The following PSME3 variants were observed in gnomAD, a reference collection of about 807,000 sequenced individuals.
PSME3 encodes the protein proteasome activator complex subunit 3.
In PSME3, 7 loss-of-function variants were observed where a neutral mutation model predicts 38.3. That is an observed-to-expected ratio of 0.18 (90% CI 0.10 to 0.34). The LOEUF (loss-of-function observed/expected upper bound fraction) is 0.34, where lower values mean the gene tolerates loss of function less well. PSME3 is among the 10% of genes least tolerant of loss of function. The pLI is 1.00. For synonymous variants in PSME3, 108 were observed against 105.7 expected (o/e 1.02, Z -0.13); for missense variants, 192 against 307.6 (o/e 0.62, Z 2.81).
In PSME3 at chr17:42,839,174, AG is replaced by A. The variant is rs771716130; in HGVS notation, c.597+12del. The stretch of plus-strand genomic sequence containing the variant: ...GCTAAATATCCCCATGTGGTAAGTA[AG>A]GGGTTTGTGGCCTGAGGGTGGAGGT... On this transcript the variant is annotated intron_variant, in intron 9 of 10. Coordinates refer to ENST00000590720, the MANE Select transcript of PSME3 (RefSeq NM_005789.4). 6.3e-7 allele frequency: 1 copy of A among 1,577,768 alleles called. No homozygotes were observed. Among genetic ancestry groups the A allele is most frequent in the South Asian group, 1.1e-5 (1 of 90,376 alleles).
In PSME3 at chr17:42,843,750, C is replaced by T. The variant is rs1387724114; in HGVS notation, c.*2172C>T. The T allele has an allele frequency of 6.6e-6, 1 of 152,358 alleles. No individual in the cohort carries two copies. Among genetic ancestry groups the T allele is most frequent in the African/African-American group, 2.4e-5 (1 of 41,446 alleles). 9.4% of individuals were successfully genotyped at this position (152,358 alleles called of 1,614,324 possible). ...CTCTGAAATAAAGTTTCCTCATCTT[C>T]CACCTTGCAAGTAGCCTTCTGGTTT... is the stretch of plus-strand genomic sequence containing the variant. On this transcript the variant is annotated 3_prime_UTR_variant, in exon 11 of 11. Transcript: ENST00000590720.
At chr17:42,839,723 G>T (rs866919714) in intron 10 of PSME3, among the ~76,000 whole-genome samples, 7 of 152,208 alleles carry the variant, frequency 4.6e-5, no homozygotes, top group Middle Eastern at 3.2e-3. Flanking sequence ...TGGGCTGGGC[G>T]CAGTGGCTAA....
intron 6 of PSME3, 155 bp from the exon 7 acceptor site, chr17:42,838,576 C>T: frequency 2.6e-6 from 2 of 777,884 alleles, no homozygotes; most frequent in Non-Finnish European, 4.2e-6. Context: ...CTTCGGGGTC[C>T]CAAATTGCTG....
chr17:42,838,128 A>G lies in PSME3; in HGVS notation c.328A>G (p.Lys110Glu). Residue 110 changes from lysine to glutamate, a missense_variant, in exon 6 of 11, where the codon AAA becomes GAA. Physicochemically the swap from Lys to Glu is moderately conservative, Grantham distance 56. Transcript: ENST00000590720. ...KVFVMPNGML[K>E]SNQQLVDIIE... ...GTTTGTGATGCCCAATGGGATGCTGAAAAGCAACCAGCAGCTGGTGGACAT... is the reference window on the plus strand; with the variant it reads ...GTTTGTGATGCCCAATGGGATGCTGGAAAGCAACCAGCAGCTGGTGGACAT... 1 of 1,614,176 alleles carries G rather than the reference A, an allele frequency of 6.2e-7. No homozygotes were observed. Among genetic ancestry groups the G allele is most frequent in the Non-Finnish European group, 8.5e-7 (1 of 1,180,026 alleles).
intron 10 of PSME3, among the ~76,000 whole-genome samples, chr17:42,840,039 G>T (rs2055512263): frequency 6.6e-6 from 1 of 150,398 alleles, no homozygotes; most frequent in African/African-American, 2.5e-5. Flanking sequence ...CACTTTGGGA[G>T]GCCAAGGTGG....
At position 42,838,934 on chromosome 17, in the gene PSME3, G is replaced by C; in HGVS notation, c.475-11G>C. 6.2e-7 allele frequency: 1 copy of C among 1,614,034 alleles called. No homozygotes were observed. Among genetic ancestry groups the C allele is most frequent in the Non-Finnish European group, 8.5e-7 (1 of 1,179,998 alleles). ...GTGGCTTTTGATGCACCTGTTGTTT[G>C]TTTGTTTTAGGAGGAAACAGTTGCA... On this transcript the variant is annotated splice_polypyrimidine_tract_variant and intron_variant, in intron 7 of 10. Transcript: ENST00000590720.
chr17:42,833,612 G>C lies in PSME3; in HGVS notation c.-20G>C, dbSNP rs11542142. 20 of 1,614,184 alleles carry C rather than the reference G, an allele frequency of 1.2e-5. No homozygotes were observed. The highest frequency in any genetic ancestry group is 5.0e-5 in the Admixed American group (3 of 60,032). On this transcript the variant is annotated 5_prime_UTR_variant, in exon 1 of 11. Coordinates refer to ENST00000590720, the MANE Select transcript of PSME3 (RefSeq NM_005789.4). ...CAGCGCCTCCGGTGTCCAGAGGATC[G>C]GACACGGCCCGGCCCGGCCATGGCC...
In PSME3 at chr17:42,838,958, C is replaced by G; in HGVS notation, c.488C>G (p.Ala163Gly). 4.3e-6 allele frequency: 7 copies of G among 1,614,080 alleles called. No individual in the cohort carries two copies. Among genetic ancestry groups the G allele is most frequent in the Non-Finnish European group, 5.1e-6 (6 of 1,180,010 alleles). Residue 163 changes from alanine to glycine, a missense_variant, in exon 8 of 11, where the codon GCA becomes GGA. Ala to Gly is a moderately conservative substitution (Grantham distance 60). Transcript: ENST00000590720. Reference sequence around the variant, plus strand: ...TGTTTGTTTTAGGAGGAAACAGTTGCAGAGCTAAGAACTGTTGAGAGTGAA... The same window carrying G: ...TGTTTGTTTTAGGAGGAAACAGTTGGAGAGCTAAGAACTGTTGAGAGTGAA... ...FGVSIQEETVAELRTVESEAA... is the reference protein window; with the variant it reads ...FGVSIQEETVGELRTVESEAA...
intron 10 of PSME3, 123 bp downstream of exon 10, chr17:42,839,503 A>C: frequency 1.4e-6 from 1 of 739,858 alleles, no homozygotes; most frequent in East Asian, 2.6e-5. Flanking sequence ...ACCAAATTCT[A>C]TTCATCACCT....
chr17:42,836,396 T>C (rs1054282075), intron 4 of PSME3, among the ~76,000 whole-genome samples: 11 of 152,258 alleles, frequency 7.2e-5, no homozygotes, highest in African/African-American at 2.7e-4. Context: ...AACTGAATAA[T>C]GTGTTCCTTT....
At chr17:42,839,420 C>T (rs1597955603) in intron 10 of PSME3, 40 bp downstream of exon 10, 1 of 1,492,834 alleles carries the variant, frequency 6.7e-7, no homozygotes, top group African/African-American at 1.4e-5. Flanking sequence ...GCTGTGGCTT[C>T]TCTTAGTTCT....
chr17:42,840,646 A>C (rs904139392), intron 10 of PSME3, among the ~76,000 whole-genome samples: 1 of 152,146 alleles, frequency 6.6e-6, no homozygotes, highest in Non-Finnish European at 1.5e-5. Flanking sequence ...CCTACTGCAC[A>C]AAATTCATTC....
chr17:42,833,453 A>G lies in PSME3; in HGVS notation c.-179A>G, dbSNP rs879596236. Reference sequence around the variant, plus strand: ...AGGGCGAGCGAGAGAGCAAGCAGGCAGCAGGCTGCCGGCGGGCGGGCGGAC... The same window carrying G: ...AGGGCGAGCGAGAGAGCAAGCAGGCGGCAGGCTGCCGGCGGGCGGGCGGAC... On this transcript the variant is annotated 5_prime_UTR_variant, in exon 1 of 11. Transcript: ENST00000590720. 1.5e-5 allele frequency: 10 copies of G among 686,000 alleles called. No homozygotes were observed. Among genetic ancestry groups the G allele is most frequent in the South Asian group, 9.3e-5 (5 of 53,760 alleles). 42.5% of individuals were successfully genotyped at this position (686,000 alleles called of 1,614,324 possible). A position where few individuals can be genotyped will look rare whatever the true frequency, so the allele number is the denominator to read the frequency against.
chr17:42,833,625 C>T lies in PSME3; in HGVS notation c.-7C>T. 6.2e-7 allele frequency: 1 copy of T among 1,614,238 alleles called. No individual in the cohort carries two copies. ...GTCCAGAGGATCGGACACGGCCCGG[C>T]CCGGCCATGGCCTCGTTGCTGAAGG... On this transcript the variant is annotated 5_prime_UTR_variant, in exon 1 of 11. Coordinates refer to ENST00000590720, the MANE Select transcript of PSME3 (RefSeq NM_005789.4).
intron 10 of PSME3, among the ~76,000 whole-genome samples, chr17:42,841,067 AG>A (rs1299893809): frequency 2.7e-5 from 4 of 146,240 alleles, no homozygotes; most frequent in African/African-American, 1.0e-4. Flanking sequence ...TGGGAGGCGG[AG>A]GTTGCAGTCA....
chr17:42,833,649 G>C lies in PSME3; in HGVS notation c.18G>C (p.Lys6Asn). The change falls in exon 1 of 11, where the codon AAG becomes AAC. Residue 6 changes from lysine to asparagine, a missense_variant. By Grantham distance (94) the Lys-to-Asn change is moderately conservative. Coordinates refer to ENST00000590720, the MANE Select transcript of PSME3 (RefSeq NM_005789.4). MASLL[K>N]VDQEVKLKVD... ...GCCCGGCCATGGCCTCGTTGCTGAA[G>C]GTGGATCAGGAAGTGAAGCTCAAGG... 1 of 1,614,264 alleles carries C rather than the reference G, an allele frequency of 6.2e-7. No individual in the cohort carries two copies. The highest frequency in any genetic ancestry group is 1.1e-5 in the South Asian group (1 of 91,090).
chr17:42,839,445 T>G, intron 10 of PSME3, 65 bp downstream of exon 10: 1 of 1,332,730 alleles, frequency 7.5e-7, no homozygotes, highest in East Asian at 2.3e-5. Context: ...AGAGTATTGT[T>G]AAAATTCTCT....
chr17:42,841,989 A>G lies in PSME3; in HGVS notation c.*411A>G, dbSNP rs1238199893. ...AAGTGCTAGGTGTTTTTTAGGAACT[A>G]GGGTGGCGGGGGGACGAACTTCTCT... is the stretch of plus-strand genomic sequence containing the variant. On this transcript the variant is annotated 3_prime_UTR_variant, in exon 11 of 11. Coordinates refer to ENST00000590720, the MANE Select transcript of PSME3 (RefSeq NM_005789.4). 6.4e-6 allele frequency: 1 copy of G among 155,362 alleles called. No homozygotes were observed. Among genetic ancestry groups the G allele is most frequent in the Non-Finnish European group, 1.4e-5 (1 of 69,772 alleles). The allele number at this position is 155,362 out of a possible 1,614,324, so 9.6% of individuals were successfully genotyped here.
At chr17:42,836,000 C>CTT (rs1210980760) in intron 4 of PSME3, among the ~76,000 whole-genome samples, 34 of 128,512 alleles carry the variant, frequency 2.6e-4, no homozygotes, top group Admixed American at 4.0e-4. Flanking sequence ...CAGGAACTAT[C>CTT]TTTTTTTTTT....
Sources: gnomAD v4.1 joint callset for allele counts (sites outside exome capture counted in the v4.1 genomes callset) on GRCh38, gnomAD v4.1.1 for gene constraint, MANE v1.5 for transcripts, NCBI Gene and HGNC (gene_info 2026-07-23, HGNC 2026-07-21) for gene names.